The following PKHD1L1 variants were observed in gnomAD, a reference collection of about 807,000 sequenced individuals.
PKHD1L1 encodes the protein fibrocystin-L.
In PKHD1L1, 434 loss-of-function variants were observed where a neutral mutation model predicts 462.9. The observed-to-expected ratio is 0.94, with a 90% confidence interval of 0.87 to 1.02. The LOEUF (loss-of-function observed/expected upper bound fraction) is 1.02. PKHD1L1 is among the 50% of genes least tolerant of loss of function. The probability of loss-of-function intolerance (pLI) is 0.00; values close to 1 mark genes in which losing one functional copy is unlikely to be tolerated. For synonymous variants in PKHD1L1, 1,781 were observed against 1,750.0 expected (o/e 1.02, Z -0.44); for missense variants, 5,202 against 5,096.1 (o/e 1.02, Z -0.63).
intron 2 of PKHD1L1, among the ~76,000 whole-genome samples, chr8:109,368,468 C>T (rs7819151): frequency 0.56 from 84,767 of 152,008 alleles, 23,782 homozygotes; most frequent in South Asian, 0.64. Flanking sequence ...GGATGATACA[C>T]CTAAGGTACC....
At chr8:109,369,408 T>G (rs1193069869) in intron 2 of PKHD1L1, among the ~76,000 whole-genome samples, 4 of 152,216 alleles carry the variant, frequency 2.6e-5, no homozygotes, top group African/African-American at 9.7e-5. Flanking sequence ...TAATAACATT[T>G]ATGAATTATT....
At chr8:109,528,889 G>A (rs1444713712) in intron 77 of PKHD1L1, among the ~76,000 whole-genome samples, 1 of 152,078 alleles carries the variant, frequency 6.6e-6, no homozygotes, top group East Asian at 1.9e-4. Flanking sequence ...TTGAGTAGGG[G>A]TATTGTGGGC....
intron 76 of PKHD1L1, among the ~76,000 whole-genome samples, chr8:109,524,148 C>T (rs1820702259): frequency 6.6e-6 from 1 of 152,112 alleles, no homozygotes. Context: ...GGATAAACCG[C>T]TTACGTTTGA....
In PKHD1L1 at chr8:109,526,828, G is replaced by A; in HGVS notation, c.12529G>A (p.Val4177Ile). The part of the protein sequence containing the change: ...IEFILDNVVG[V>I]ESRTFSLLAE... ...ATTTATACTGGATAATGTTGTTGGGGTAGAATCCAGAACTTTCAGCCTGCT... is the reference window on the plus strand; with the variant it reads ...ATTTATACTGGATAATGTTGTTGGGATAGAATCCAGAACTTTCAGCCTGCT... Residue 4177 changes from valine to isoleucine, a missense_variant, in exon 77 of 78, where the codon GTA becomes ATA. Val to Ile is a conservative substitution (Grantham distance 29, BLOSUM62 3). Transcript: ENST00000378402. 6.4e-7 allele frequency: 1 copy of A among 1,572,100 alleles called. No individual in the cohort carries two copies. The highest frequency in any genetic ancestry group is 8.6e-7 in the Non-Finnish European group (1 of 1,157,852).
chr8:109,490,162 T>C (rs1818758452), intron 60 of PKHD1L1, 107 bp downstream of exon 60: 1 of 686,502 alleles, frequency 1.5e-6, no homozygotes, highest in Admixed American at 3.3e-5. Flanking sequence ...AATTATAATC[T>C]AATATAATAA....
intron 48 of PKHD1L1, among the ~76,000 whole-genome samples, chr8:109,462,817 G>A (rs1013779434): frequency 6.6e-6 from 1 of 152,106 alleles, no homozygotes; most frequent in Non-Finnish European, 1.5e-5. Context: ...TGGGATTACA[G>A]GCATGAGCCA....
chr8:109,452,868 ATT>A lies in PKHD1L1; in HGVS notation c.6659_6660del (p.Ile2220ThrfsTer8). The A allele has an allele frequency of 2.1e-6, 3 of 1,434,112 alleles. No homozygotes were observed. The highest frequency in any genetic ancestry group is 2.8e-6 in the Non-Finnish European group (3 of 1,088,390). 88.8% of individuals were successfully genotyped at this position (1,434,112 alleles called of 1,614,324 possible). ...CACCCCTATTTTGAAAATGTTGCTTATTCAGGGTAAATTTCTGAATATCTGTT... is the reference window on the plus strand; with the variant it reads ...CACCCCTATTTTGAAAATGTTGCTTACAGGGTAAATTTCTGAATATCTGTT... ...QSTPILKMLL[I>X]QGGTLIFDEA... On this transcript the variant is annotated frameshift_variant, in exon 43 of 78. Transcript: ENST00000378402. LOFTEE classifies it high-confidence loss of function.
In PKHD1L1 at chr8:109,464,509, G is replaced by A. The variant is rs188747727; in HGVS notation, c.7677G>A (p.Pro2559=). 28 of 1,613,700 alleles carry A rather than the reference G, an allele frequency of 1.7e-5. No individual in the cohort carries two copies. Among genetic ancestry groups the A allele is most frequent in the African/African-American group, 1.6e-4 (12 of 74,988 alleles). Residue 2559 remains proline, a synonymous_variant, in exon 49 of 78, where the codon CCG becomes CCA. Transcript: ENST00000378402. The stretch of plus-strand genomic sequence containing the variant: ...GTCTTCTGAATGATGATGTGACCCC[G>A]GCTGCATTTTGGGTCACCAACCCGA... The part of the protein sequence containing the change: ...STSLLNDDVT[P]AAFWVTNPNN...
At chr8:109,424,515 G>T (rs1814636591) in intron 23 of PKHD1L1, among the ~76,000 whole-genome samples, 1 of 152,040 alleles carries the variant, frequency 6.6e-6, no homozygotes, top group Non-Finnish European at 1.5e-5. Context: ...ATCAACAGGA[G>T]AATATAATTT....
rs1269270599 is a variant in PKHD1L1 at position 109,491,997 on chromosome 8, A to T, written c.10236+3A>T. On this transcript the variant is annotated splice_donor_region_variant and intron_variant, in intron 62 of 77. Coordinates refer to ENST00000378402, the MANE Select transcript of PKHD1L1 (RefSeq NM_177531.6). ...CTCTCTGGCATGCAGCAATTGAGGT[A>T]GTGAAAACAAACTTATAATTATACT... 1.3e-6 allele frequency: 2 copies of T among 1,508,306 alleles called. No homozygotes were observed. Among genetic ancestry groups the T allele is most frequent in the African/African-American group, 1.4e-5 (1 of 71,578 alleles). The allele number at this position is 1,508,306 out of a possible 1,614,324, so 93.4% of individuals were successfully genotyped here.
Position 109,390,480 on chromosome 8 carries a change from TA to T in PKHD1L1, c.728del (p.Asn243MetfsTer32). 1.4e-6 allele frequency: 2 copies of T among 1,452,502 alleles called. No homozygotes were observed. The highest frequency in any genetic ancestry group is 1.9e-6 in the Non-Finnish European group (2 of 1,078,998). The allele number at this position is 1,452,502 out of a possible 1,614,324, so 90.0% of individuals were successfully genotyped here. ...GHHNVSFILDNDYGRSFPQKM... is the reference protein window; with the variant it reads ...GHHNVSFILDXDYGRSFPQKM... The stretch of plus-strand genomic sequence containing the variant: ...ATCACAATGTCAGCTTCATCTTAGA[TA>T]ATGATTATGGAAGGTAGGCTATTTT... On this transcript the variant is annotated frameshift_variant, in exon 9 of 78. Coordinates refer to ENST00000378402, the MANE Select transcript of PKHD1L1 (RefSeq NM_177531.6). LOFTEE classifies it high-confidence loss of function.
rs549886943 is a variant in PKHD1L1 at position 109,368,655 on chromosome 8, C to A, written c.163+4019C>A. 3.9e-5 allele frequency among the ~76,000 whole-genome samples: 6 copies of A among 152,278 alleles called. No individual in the cohort carries two copies. In the South Asian group the frequency reaches 1.0e-3, roughly 26 times the overall value. On this transcript the variant is annotated intron_variant, in intron 2 of 77. Transcript: ENST00000378402. ...TTTAAGTAGGTGAATACACTTTCAA[C>A]AGTGCTTTTTTAACTAGAGAAAACA...
rs758694617 is a variant in PKHD1L1 at position 109,448,342 on chromosome 8, A to G, written c.5976A>G (p.Thr1992=). ...HHKTKGSAMS[T]VVFEYPLNIQ... ...AGACAAAAGGCTCAGCCATGTCCAC[A>G]GTTGTATTTGAGTACCCGCTTAATA... The change falls in exon 39 of 78, where the codon ACA becomes ACG. Residue 1992 remains threonine, a synonymous_variant. Transcript: ENST00000378402. 4 of 1,613,666 alleles carry G rather than the reference A, an allele frequency of 2.5e-6. No homozygotes were observed. Among genetic ancestry groups the G allele is most frequent in the Admixed American group, 1.7e-5 (1 of 59,988 alleles).
intron 68 of PKHD1L1, among the ~76,000 whole-genome samples, chr8:109,505,626 T>C (rs1357030563): frequency 6.6e-6 from 1 of 152,140 alleles, no homozygotes; most frequent in Non-Finnish European, 1.5e-5. Context: ...TAGCCAGTCA[T>C]TGTGGCTAGT....
chr8:109,426,748 G>C (rs1298466080), intron 24 of PKHD1L1, among the ~76,000 whole-genome samples: 5 of 152,134 alleles, frequency 3.3e-5, no homozygotes, highest in Non-Finnish European at 5.9e-5. Context: ...CGCCTTCCGG[G>C]TTCAAGTGGT....
At chr8:109,380,549 A>T (rs1254941520) in intron 2 of PKHD1L1, among the ~76,000 whole-genome samples, 4 of 152,178 alleles carry the variant, frequency 2.6e-5, no homozygotes, top group Admixed American at 2.6e-4. Flanking sequence ...GCATATACCT[A>T]TGTGCAGTGT....
intron 48 of PKHD1L1, among the ~76,000 whole-genome samples, chr8:109,462,233 T>C (rs1244887095): frequency 2.0e-5 from 3 of 152,190 alleles, no homozygotes; most frequent in African/African-American, 7.2e-5. Flanking sequence ...GATTTTCTCC[T>C]ACCTGGTCTT....
chr8:109,489,984 C>T lies in PKHD1L1; in HGVS notation c.9913C>T (p.His3305Tyr). Reference protein sequence around the residue: ...NARISNVEFYHSGQEGFRDST... With the variant: ...NARISNVEFYYSGQEGFRDST... ...AAGAATAAGTAATGTGGAATTTTAT[C>T]ACAGTGGTCAAGAAGGCTTCAGGGA... The change falls in exon 60 of 78, where the codon CAC (histidine) becomes TAC (tyrosine). Residue 3305 changes from histidine (H) to tyrosine (Y), a missense_variant. Physicochemically the swap from His to Tyr is moderately conservative, Grantham distance 83. Around this residue, in one of 3 missense-constraint regions of PKHD1L1, gnomAD observed 4,497 missense variants for 4,336.8 expected, o/e 1.04. Transcript: ENST00000378402. 6.2e-7 allele frequency: 1 copy of T among 1,607,436 alleles called. No individual in the cohort carries two copies. The highest frequency in any genetic ancestry group is 8.5e-7 in the Non-Finnish European group (1 of 1,174,998).
rs372989200 is a variant in PKHD1L1, at chr8:109,498,759, T to C, written c.10816T>C (p.Leu3606=). The C allele has an allele frequency of 1.9e-6, 3 of 1,611,320 alleles. No individual in the cohort carries two copies. The African/African-American group carries it at 4.0e-5, about 21-fold the overall frequency. The stretch of plus-strand genomic sequence containing the variant: ...GAGTTACAATGCCATCAGTGGCCTT[T>C]TGGACATCTCAGGCAAGTACACAGT... ...IMSYNAISGL[L]DISGSTFVGF... is the part of the protein sequence containing the mutation. Residue 3606 remains leucine, a synonymous_variant, in exon 67 of 78, where the codon TTG becomes CTG. Transcript: ENST00000378402.
Sources: allele counts gnomAD v4.1 joint callset (sites outside exome capture counted in the v4.1 genomes callset), GRCh38; gene constraint gnomAD v4.1.1; regional missense constraint gnomAD v4.1.1; transcripts MANE v1.5; gene names NCBI Gene and HGNC (gene_info 2026-07-23, HGNC 2026-07-21).